The following INHBB variants were observed in gnomAD, a reference collection of about 807,000 sequenced individuals.
The protein encoded by INHBB is inhibin subunit beta B.
In INHBB, 8 loss-of-function variants were observed where a neutral mutation model predicts 28.9. That is an observed-to-expected ratio of 0.28 (90% CI 0.16 to 0.50). INHBB has a LOEUF of 0.50. Among genes scored for constraint, INHBB ranks in the 20% least tolerant of loss-of-function variants. The pLI is 0.98. For synonymous variants in INHBB, 293 were observed against 262.7 expected, an observed-to-expected ratio of 1.12 and a Z score of -1.12; for missense variants, 499 against 597.8, an observed-to-expected ratio of 0.83 and a Z score of 1.72.
At chr2:120,347,509 A>G (rs1160401813) in intron 1 of INHBB, among the ~76,000 whole-genome samples, 2 of 152,186 alleles carry the variant, frequency 1.3e-5, no homozygotes, top group African/African-American at 4.8e-5. Context: ...CCGCGCCAAA[A>G]TGCTGCAAGT....
rs1242452841 is a variant in INHBB at position 120,349,890 on chromosome 2, G to A, written c.*16G>A. The A allele has an allele frequency of 6.3e-7, 1 of 1,596,094 alleles. No homozygotes were observed. Among genetic ancestry groups the A allele is most frequent in the Middle Eastern group, 1.7e-4 (1 of 5,928 alleles). ...CTGCGCCTGACAGTGCAAGGCAGGG[G>A]CACGGTGGTGGGGCACGGAGGGCAG... On this transcript the variant is annotated 3_prime_UTR_variant, in exon 2 of 2. Transcript: ENST00000295228. The surrounding 1 kb of genome is among the most constrained non-coding windows in gnomAD (Gnocchi z 5.6).
At position 120,349,524 on chromosome 2, in the gene INHBB, C is replaced by T; in HGVS notation, c.874C>T (p.Arg292Ter). ...LGDSRHRIRK[R>*]GLECDGRTNL... ...CGACAGCAGGCACCGCATTCGCAAG[C>T]GAGGCCTGGAGTGCGATGGCCGGAC... The change falls in exon 2 of 2, where the codon CGA (arginine) becomes TGA (stop). Residue 292 changes from arginine (R) to a stop codon, truncating the protein, a stop_gained. Transcript: ENST00000295228. LOFTEE classifies it high-confidence loss of function. The surrounding 1 kb of genome is among the most constrained non-coding windows in gnomAD (Gnocchi z 5.6). The T allele has an allele frequency of 6.2e-7, 1 of 1,613,788 alleles. No homozygotes were observed. The highest frequency in any genetic ancestry group is 8.5e-7 in the Non-Finnish European group (1 of 1,180,010).
In INHBB at chr2:120,349,335, T is replaced by G; in HGVS notation, c.685T>G (p.Phe229Val). ...CCTCAAGCGCAGCGGCTGGCATACC[T>G]TCCCACTCACGGAGGCCATCCAGGC... ...VDLKRSGWHT[F>V]PLTEAIQALF... Residue 229 changes from phenylalanine (F) to valine (V), a missense_variant, in exon 2 of 2, where the codon TTC becomes GTC. Transcript: ENST00000295228. This position sits in a 1 kb window ranked among gnomAD's most constrained non-coding sequence, Gnocchi z 5.6. The G allele has an allele frequency of 6.2e-7, 1 of 1,614,036 alleles. No homozygotes were observed. The highest frequency in any genetic ancestry group is 8.5e-7 in the Non-Finnish European group (1 of 1,179,970).
rs770518408 is a variant in INHBB at position 120,349,747 on chromosome 2, G to T, written c.1097G>T (p.Gly366Val). The T allele has an allele frequency of 6.2e-7, 1 of 1,613,548 alleles. No individual in the cohort carries two copies. The highest frequency in any genetic ancestry group is 2.2e-5 in the East Asian group (1 of 44,902). ...TACCGCATGCGGGGTCTGAACCCCG[G>T]CACGGTGAACTCCTGCTGCATTCCC... ...NQYRMRGLNP[G>V]TVNSCCIPTK... The change falls in exon 2 of 2, where the codon GGC becomes GTC. Residue 366 changes from glycine to valine, a missense_variant. Around this residue, in one of 2 missense-constraint regions of INHBB, gnomAD observed 114 missense variants for 182.6 expected, o/e 0.62. Transcript: ENST00000295228. This position sits in a 1 kb window ranked among gnomAD's most constrained non-coding sequence, Gnocchi z 5.6.
At position 120,349,884 on chromosome 2, in the gene INHBB, G is replaced by C. The variant is rs1691230247; in HGVS notation, c.*10G>C. On this transcript the variant is annotated 3_prime_UTR_variant, in exon 2 of 2. Transcript: ENST00000295228. This position sits in a 1 kb window ranked among gnomAD's most constrained non-coding sequence, Gnocchi z 5.6. ...GTGCGGCTGCGCCTGACAGTGCAAG[G>C]CAGGGGCACGGTGGTGGGGCACGGA... The C allele has an allele frequency of 1.3e-6, 2 of 1,599,804 alleles. No individual in the cohort carries two copies. The highest frequency in any genetic ancestry group is 1.7e-6 in the Non-Finnish European group (2 of 1,171,064).
chr2:120,351,082 C>CGCAT lies in INHBB; in HGVS notation c.*1209_*1212dup, dbSNP rs1553533979. 6.5e-6 allele frequency: 1 copy of CGCAT among 152,784 alleles called. No individual in the cohort carries two copies. Among genetic ancestry groups the CGCAT allele is most frequent in the Non-Finnish European group, 1.5e-5 (1 of 68,116 alleles). The allele number at this position is 152,784 out of a possible 1,614,324, so 9.5% of individuals were successfully genotyped here. ...TCACCTGCCCGCCTGCCCGCCCGCCCGCATAGCACTTGCAGACCTGCCTGA... is the reference window on the plus strand; with the variant it reads ...TCACCTGCCCGCCTGCCCGCCCGCCCGCATGCATAGCACTTGCAGACCTGCCTGA... On this transcript the variant is annotated 3_prime_UTR_variant, in exon 2 of 2. Transcript: ENST00000295228.
chr2:120,348,222 G>GGA (rs553765126), intron 1 of INHBB, among the ~76,000 whole-genome samples: 66 of 77,842 alleles, frequency 8.5e-4, no homozygotes, highest in African/African-American at 3.5e-3. Context: ...TGTTCTTCCT[G>GGA]AAAAAAAAAA....
Position 120,346,558 on chromosome 2 carries a change from C to T in INHBB, c.370C>T (p.Pro124Ser). 6.7e-7 allele frequency: 1 copy of T among 1,500,218 alleles called. No homozygotes were observed. The highest frequency in any genetic ancestry group is 8.8e-7 in the Non-Finnish European group (1 of 1,131,698). 92.9% of individuals were successfully genotyped at this position (1,500,218 alleles called of 1,614,324 possible). The change falls in exon 1 of 2, where the codon CCG (proline) becomes TCG (serine). Residue 124 changes from proline to serine, a missense_variant. Around this residue, in one of 2 missense-constraint regions of INHBB, gnomAD observed 385 missense variants for 415.2 expected, o/e 0.93. Transcript: ENST00000295228. Reference protein sequence around the residue: ...KVREDGRVEIPHLDGHASPGA... With the variant: ...KVREDGRVEISHLDGHASPGA... Reference sequence around the variant, plus strand: ...GCGCGAGGACGGCCGCGTGGAGATCCCGCACCTCGACGGCCACGCCAGCCC... The same window carrying T: ...GCGCGAGGACGGCCGCGTGGAGATCTCGCACCTCGACGGCCACGCCAGCCC...
Position 120,349,214 on chromosome 2 carries a change from C to T in INHBB, c.564C>T (p.Val188=), listed in dbSNP as rs1558973315. The T allele has an allele frequency of 8.1e-6, 13 of 1,614,166 alleles. No homozygotes were observed. The highest frequency in any genetic ancestry group is 2.2e-5 in the South Asian group (2 of 91,086). Reference sequence around the variant, plus strand: ...TTTACCTGAAACTCCTGCCCTACGTCCTGGAGAAGGGCAGCCGGCGGAAGG... The same window carrying T: ...TTTACCTGAAACTCCTGCCCTACGTTCTGGAGAAGGGCAGCCGGCGGAAGG... ...LWLYLKLLPY[V]LEKGSRRKVR... The change falls in exon 2 of 2, where the codon GTC becomes GTT. Residue 188 remains valine, a synonymous_variant. Coordinates refer to ENST00000295228, the MANE Select transcript of INHBB (RefSeq NM_002193.4). The surrounding 1 kb of genome is among the most constrained non-coding windows in gnomAD (Gnocchi z 5.6).
chr2:120,347,486 G>A (rs905560153), intron 1 of INHBB, among the ~76,000 whole-genome samples: 3 of 150,898 alleles, frequency 2.0e-5, no homozygotes, highest in Non-Finnish European at 2.9e-5. Context: ...TTAAAAGAAG[G>A]AGAAAAATGT....
intron 1 of INHBB, 109 bp from the exon 2 acceptor site, chr2:120,348,990 C>A (rs1330546890): frequency 7.0e-6 from 9 of 1,283,242 alleles, no homozygotes; most frequent in Non-Finnish European, 9.7e-6. Flanking sequence ...TAACGTTTTC[C>A]AGCTGTGTGG....
In INHBB at chr2:120,349,666, A is replaced by G; in HGVS notation, c.1016A>G (p.Tyr339Cys). 1 of 1,613,732 alleles carries G rather than the reference A, an allele frequency of 6.2e-7. No homozygotes were observed. Among genetic ancestry groups the G allele is most frequent in the Non-Finnish European group, 8.5e-7 (1 of 1,180,010 alleles). Residue 339 changes from tyrosine to cysteine, a missense_variant, in exon 2 of 2, where the codon TAC becomes TGC. Transcript: ENST00000295228. The surrounding 1 kb of genome is among the most constrained non-coding windows in gnomAD (Gnocchi z 5.6). ...TACTGTGAGGGCAGCTGCCCAGCCT[A>G]CCTGGCAGGGGTCCCCGGCTCTGCC... ...GNYCEGSCPA[Y>C]LAGVPGSASS...
Position 120,350,229 on chromosome 2 carries a change from C to T in INHBB, c.*355C>T. The T allele has an allele frequency of 7.3e-6, 2 of 272,764 alleles. No individual in the cohort carries two copies. Among genetic ancestry groups the T allele is most frequent in the Non-Finnish European group, 1.4e-5 (2 of 142,176 alleles). The allele number at this position is 272,764 out of a possible 1,614,324, so 16.9% of individuals were successfully genotyped here. A position where few individuals can be genotyped will look rare whatever the true frequency, so the allele number is the denominator to read the frequency against. On this transcript the variant is annotated 3_prime_UTR_variant, in exon 2 of 2. Coordinates refer to ENST00000295228, the MANE Select transcript of INHBB (RefSeq NM_002193.4). ...TGTCAGTCGGAGAGAATGGGGTGAG[C>T]AGCCACCATTCCCACCAGCTGGCCC...
In INHBB at chr2:120,346,570, G is replaced by A. The variant is rs1011835664; in HGVS notation, c.382G>A (p.Gly128Ser). The A allele has an allele frequency of 6.7e-7, 1 of 1,482,942 alleles. No homozygotes were observed. The highest frequency in any genetic ancestry group is 1.5e-5 in the African/African-American group (1 of 68,704). The allele number at this position is 1,482,942 out of a possible 1,614,324, so 91.9% of individuals were successfully genotyped here. A position where few individuals can be genotyped will look rare whatever the true frequency, so the allele number is the denominator to read the frequency against. ...CCGCGTGGAGATCCCGCACCTCGACGGCCACGCCAGCCCGGGCGCCGACGG... is the reference window on the plus strand; with the variant it reads ...CCGCGTGGAGATCCCGCACCTCGACAGCCACGCCAGCCCGGGCGCCGACGG... ...DGRVEIPHLD[G>S]HASPGADGQE... The change falls in exon 1 of 2, where the codon GGC becomes AGC. Residue 128 changes from glycine (G) to serine (S), a missense_variant. Coordinates refer to ENST00000295228, the MANE Select transcript of INHBB (RefSeq NM_002193.4).
In INHBB at chr2:120,350,034, C is replaced by T; in HGVS notation, c.*160C>T. On this transcript the variant is annotated 3_prime_UTR_variant, in exon 2 of 2. Transcript: ENST00000295228. ...TGCGGCCTGAGATATTTTTCTACAGCTTCATAGAGCAACCAGTCAAAACCA... is the reference window on the plus strand; with the variant it reads ...TGCGGCCTGAGATATTTTTCTACAGTTTCATAGAGCAACCAGTCAAAACCA... 1.5e-6 allele frequency: 1 copy of T among 688,552 alleles called. No individual in the cohort carries two copies. Among genetic ancestry groups the T allele is most frequent in the South Asian group, 2.0e-5 (1 of 50,084 alleles). The allele number at this position is 688,552 out of a possible 1,614,324, so 42.7% of individuals were successfully genotyped here.
rs2104575363 is a variant in INHBB, at chr2:120,350,033, G to A, written c.*159G>A. ...GTGCGGCCTGAGATATTTTTCTACA[G>A]CTTCATAGAGCAACCAGTCAAAACC... is the stretch of plus-strand genomic sequence containing the variant. On this transcript the variant is annotated 3_prime_UTR_variant, in exon 2 of 2. Coordinates refer to ENST00000295228, the MANE Select transcript of INHBB (RefSeq NM_002193.4). 2 of 689,070 alleles carry A rather than the reference G, an allele frequency of 2.9e-6. No homozygotes were observed. The highest frequency in any genetic ancestry group is 4.8e-6 in the Non-Finnish European group (2 of 418,352). 42.7% of individuals were successfully genotyped at this position (689,070 alleles called of 1,614,324 possible). A position where few individuals can be genotyped will look rare whatever the true frequency, so the allele number is the denominator to read the frequency against.
At chr2:120,346,906 G>T (rs1280243845) in intron 1 of INHBB, among the ~76,000 whole-genome samples, 1 of 152,160 alleles carries the variant, frequency 6.6e-6, no homozygotes, top group Non-Finnish European at 1.5e-5. Flanking sequence ...GGGCCCCAGC[G>T]CCTCTGGGCG....
At position 120,349,751 on chromosome 2, in the gene INHBB, G is replaced by A. The variant is rs767417746; in HGVS notation, c.1101G>A (p.Thr367=). 4.6e-5 allele frequency: 75 copies of A among 1,613,500 alleles called. No individual in the cohort carries two copies. Among genetic ancestry groups the A allele is most frequent in the East Asian group, 2.2e-5 (1 of 44,902 alleles). The part of the protein sequence containing the change: ...QYRMRGLNPG[T]VNSCCIPTKL... ...GCATGCGGGGTCTGAACCCCGGCAC[G>A]GTGAACTCCTGCTGCATTCCCACCA... is the stretch of plus-strand genomic sequence containing the variant. The change falls in exon 2 of 2, where the codon ACG becomes ACA. Residue 367 remains threonine, a synonymous_variant. Coordinates refer to ENST00000295228, the MANE Select transcript of INHBB (RefSeq NM_002193.4). The surrounding 1 kb of genome is among the most constrained non-coding windows in gnomAD (Gnocchi z 5.6).
Position 120,350,209 on chromosome 2 carries a change from G to C in INHBB, c.*335G>C, listed in dbSNP as rs1320369020. ...GCAGCTTAGCTACAAATGCCTGTCA[G>C]TCGGAGAGAATGGGGTGAGCAGCCA... On this transcript the variant is annotated 3_prime_UTR_variant, in exon 2 of 2. Coordinates refer to ENST00000295228, the MANE Select transcript of INHBB (RefSeq NM_002193.4). 3.2e-6 allele frequency: 1 copy of C among 310,896 alleles called. No homozygotes were observed. Among genetic ancestry groups the C allele is most frequent in the African/African-American group, 2.1e-5 (1 of 46,868 alleles). 19.3% of individuals were successfully genotyped at this position (310,896 alleles called of 1,614,324 possible). A position where few individuals can be genotyped will look rare whatever the true frequency, so the allele number is the denominator to read the frequency against.
Sources: allele counts gnomAD v4.1 joint callset (sites outside exome capture counted in the v4.1 genomes callset), GRCh38; gene constraint gnomAD v4.1.1; regional missense constraint gnomAD v4.1.1; non-coding constraint Gnocchi (gnomAD v3.1); transcripts MANE v1.5; gene names NCBI Gene and HGNC (gene_info 2026-07-23, HGNC 2026-07-21).